ELAPOR2: variants seen among roughly 807,000 people sequenced by gnomAD.
The protein encoded by ELAPOR2 is endosome/lysosome-associated apoptosis and autophagy regulator family member 2.
Under a neutral mutation model 120.7 loss-of-function variants are expected in ELAPOR2, and 89 were observed. The observed-to-expected ratio is 0.74, with a 90% CI of 0.62 to 0.88. The LOEUF (loss-of-function observed/expected upper bound fraction) is 0.88. Ranked by LOEUF, ELAPOR2 falls within the 40% of genes least tolerant of loss-of-function variation. ELAPOR2 has a pLI of 0.00. For missense variants in ELAPOR2, 1,134 were observed against 1,251.6 expected (o/e 0.91, Z 1.42); for synonymous variants, 444 against 444.9 (o/e 1.00, Z 0.03).
At chr7:86,905,727 T>C (rs928037585) in intron 18 of ELAPOR2, among the ~76,000 whole-genome samples, 65 of 152,306 alleles carry the variant, frequency 4.3e-4, no homozygotes, top group African/African-American at 1.5e-3. Flanking sequence ...TTTAAAAATG[T>C]TCCTATGCTC....
At chr7:86,895,646 T>G (rs1431187062) in intron 19 of ELAPOR2, among the ~76,000 whole-genome samples, 3 of 152,106 alleles carry the variant, frequency 2.0e-5, no homozygotes, top group African/African-American at 7.2e-5. Context: ...TGAAGTGACC[T>G]TACCAAGGAA....
chr7:86,997,883 T>C (rs1793178245), intron 1 of ELAPOR2, among the ~76,000 whole-genome samples: 1 of 152,204 alleles, frequency 6.6e-6, no homozygotes, highest in Non-Finnish European at 1.5e-5. Flanking sequence ...ACTGAATTAC[T>C]GTTTATAAAA....
At chr7:86,998,015 G>A (rs1451493446) in intron 1 of ELAPOR2, among the ~76,000 whole-genome samples, 10 of 152,096 alleles carry the variant, frequency 6.6e-5, no homozygotes, top group Non-Finnish European at 1.5e-5. Flanking sequence ...AATATGTAAA[G>A]GTAGACAAAT....
At chr7:86,884,994 T>C (rs371181079) in intron 21 of ELAPOR2, among the ~76,000 whole-genome samples, 57 of 152,166 alleles carry the variant, frequency 3.7e-4, no homozygotes, top group African/African-American at 1.1e-3. Context: ...TAGTGAAGCA[T>C]TGACTCATAT....
chr7:86,963,046 A>G (rs1201847162), intron 2 of ELAPOR2, among the ~76,000 whole-genome samples: 1 of 152,238 alleles, frequency 6.6e-6, no homozygotes, highest in Non-Finnish European at 1.5e-5. Flanking sequence ...GTATACTATA[A>G]GGGAATACTT....
In ELAPOR2 at chr7:86,892,985, A is replaced by C; in HGVS notation, c.2801T>G (p.Val934Gly). 1 of 1,575,476 alleles carries C rather than the reference A, an allele frequency of 6.3e-7. No homozygotes were observed. The highest frequency in any genetic ancestry group is 8.6e-7 in the Non-Finnish European group (1 of 1,167,858). ...VDFWLKVGAG[V>G]GAFTAVLLVA... ...CAGCAAAACGGCAGTAAAAGCTCCC[A>C]CACCGGCTCCCACCTTCAGCCAAAA... is the stretch of plus-strand genomic sequence containing the variant. The change falls in exon 20 of 22, where the codon GTG (valine) becomes GGG (glycine). Residue 934 changes from valine (V) to glycine (G), a missense_variant. By Grantham distance (109) the Val-to-Gly change is moderately radical. This residue lies in a region of ELAPOR2 where 831 missense variants were observed against 867.6 expected (regional missense o/e 0.96). Transcript: ENST00000450689.
chr7:87,028,552 T>C (rs1794323622), intron 1 of ELAPOR2, among the ~76,000 whole-genome samples: 1 of 152,096 alleles, frequency 6.6e-6, no homozygotes, highest in Non-Finnish European at 1.5e-5. Flanking sequence ...GTACAAAATA[T>C]ATAAAAAATC....
chr7:86,925,856 T>G (rs1790042163), intron 9 of ELAPOR2, among the ~76,000 whole-genome samples, 200 bp from the exon 10 acceptor site: 2 of 151,972 alleles, frequency 1.3e-5, no homozygotes, highest in Non-Finnish European at 2.9e-5. Flanking sequence ...ATATTATACA[T>G]ACATACATAT....
At chr7:86,882,120 G>A (rs566789598) in intron 21 of ELAPOR2, among the ~76,000 whole-genome samples, 2 of 152,288 alleles carry the variant, frequency 1.3e-5, no homozygotes, top group African/African-American at 4.8e-5. Context: ...CCTGCTGACT[G>A]GCTCTGTGAG....
rs1795367950 is a variant in ELAPOR2, at chr7:87,059,486, G to A, written c.28C>T (p.Arg10Trp). The A allele has an allele frequency of 2.5e-6, 3 of 1,210,242 alleles. No individual in the cohort carries two copies. Among genetic ancestry groups the A allele is most frequent in the East Asian group, 3.4e-5 (1 of 29,498 alleles). The allele number at this position is 1,210,242 out of a possible 1,614,324, so 75.0% of individuals were successfully genotyped here. Reference protein sequence around the residue: MLFRARGPVRGRGWGRPAEA... With the variant: MLFRARGPVWGRGWGRPAEA... ...GCCGGCCGCCCCCAGCCCCTGCCCC[G>A]TACCGGCCCCCGGGCGCGGAACAGC... Residue 10 changes from arginine (R) to tryptophan (W), a missense_variant, in exon 1 of 22, where the codon CGG becomes TGG. Physicochemically the swap from Arg to Trp is moderately radical, Grantham distance 101. Coordinates refer to ENST00000450689, the MANE Select transcript of ELAPOR2 (RefSeq NM_001142749.3).
chr7:87,049,290 A>ATTT (rs11377788), intron 1 of ELAPOR2, among the ~76,000 whole-genome samples: 1 of 150,208 alleles, frequency 6.7e-6, no homozygotes, highest in African/African-American at 2.4e-5. Flanking sequence ...TTATTTATTT[A>ATTT]TTTTTTTTTG....
intron 4 of ELAPOR2, among the ~76,000 whole-genome samples, chr7:86,942,819 A>G (rs1790854649): frequency 6.6e-6 from 1 of 152,064 alleles, no homozygotes; most frequent in African/African-American, 2.4e-5. Flanking sequence ...CAATATTGCA[A>G]AACAGCAACA....
intron 1 of ELAPOR2, among the ~76,000 whole-genome samples, chr7:87,047,125 A>G (rs1208920507): frequency 1.3e-5 from 2 of 152,230 alleles, no homozygotes; most frequent in Admixed American, 1.3e-4. Flanking sequence ...TGGAAAAACT[A>G]GACATCCATA....
chr7:86,972,822 C>A (rs763547464), intron 1 of ELAPOR2, among the ~76,000 whole-genome samples: 2 of 151,920 alleles, frequency 1.3e-5, no homozygotes, highest in Non-Finnish European at 2.9e-5. Flanking sequence ...TACTCTTTCC[C>A]ACATCATTTC....
chr7:86,998,537 G>C (rs1793201300), intron 1 of ELAPOR2, among the ~76,000 whole-genome samples: 1 of 152,156 alleles, frequency 6.6e-6, no homozygotes, highest in African/African-American at 2.4e-5. Flanking sequence ...TTGGGGCAGA[G>C]AGTTTGTTGT....
intron 1 of ELAPOR2, among the ~76,000 whole-genome samples, chr7:86,968,173 T>C (rs1791985110): frequency 6.6e-6 from 1 of 152,164 alleles, no homozygotes; most frequent in African/African-American, 2.4e-5. Context: ...ATAAAGAGAA[T>C]TACAGCACAT....
chr7:87,012,346 G>C (rs1204900898), intron 1 of ELAPOR2, among the ~76,000 whole-genome samples: 1 of 152,136 alleles, frequency 6.6e-6, no homozygotes, highest in African/African-American at 2.4e-5. Flanking sequence ...GGAGGTGGAG[G>C]TTGCAGTGAG....
At chr7:86,986,231 C>T (rs1792731237) in intron 1 of ELAPOR2, among the ~76,000 whole-genome samples, 1 of 120,214 alleles carries the variant, frequency 8.3e-6, no homozygotes, top group Non-Finnish European at 1.7e-5. Flanking sequence ...AGATCGAGAC[C>T]ATCCCGGCTA....
At chr7:86,940,978 G>T (rs1360006875) in intron 5 of ELAPOR2, among the ~76,000 whole-genome samples, 1 of 151,942 alleles carries the variant, frequency 6.6e-6, no homozygotes, top group African/African-American at 2.4e-5. Flanking sequence ...TGGGTGTTAA[G>T]GTATACGGAT....
Sources: gnomAD v4.1 joint callset for allele counts (sites outside exome capture counted in the v4.1 genomes callset) on GRCh38, gnomAD v4.1.1 for gene constraint, gnomAD v4.1.1 regional missense constraint, MANE v1.5 for transcripts, NCBI Gene and HGNC (gene_info 2026-07-23, HGNC 2026-07-21) for gene names.